Variants in ATP8A1 observed in about 807,000 individuals in gnomAD.
ATP8A1 encodes the protein phospholipid-transporting ATPase IA.
Under a neutral mutation model 177.7 loss-of-function variants are expected in ATP8A1, and 90 were observed. The observed-to-expected ratio is 0.51, with a 90% CI of 0.43 to 0.60. The LOEUF (loss-of-function observed/expected upper bound fraction) is 0.60, where lower values mean the gene tolerates loss of function less well. Among genes scored for constraint, ATP8A1 ranks in the 20% least tolerant of loss-of-function variants. The pLI is 0.00. For missense variants in ATP8A1, 1,072 were observed against 1,392.8 expected (o/e 0.77, Z 3.67); for synonymous variants, 493 against 485.9 (o/e 1.01, Z -0.19).
At chr4:42,519,635 G>A (rs1475172879) in intron 22 of ATP8A1, among the ~76,000 whole-genome samples, 6 of 152,164 alleles carry the variant, frequency 3.9e-5, no homozygotes, top group Non-Finnish European at 2.9e-5. Context: ...ACTGCTTGAT[G>A]AAAGTTATTT....
intron 20 of ATP8A1, among the ~76,000 whole-genome samples, chr4:42,538,955 C>T (rs1013650207): frequency 3.3e-5 from 5 of 152,134 alleles, no homozygotes; most frequent in Non-Finnish European, 7.3e-5. Context: ...GATACTTGCA[C>T]ACATGTTTAT....
At chr4:42,602,814 A>ATAAG (rs1231920935) in intron 5 of ATP8A1, among the ~76,000 whole-genome samples, 1 of 151,814 alleles carries the variant, frequency 6.6e-6, no homozygotes, top group Non-Finnish European at 1.5e-5. Context: ...AAATAAATAA[A>ATAAG]TGAGAGCTCC....
chr4:42,594,295 G>A, intron 6 of ATP8A1: 8 of 1,591,774 alleles, frequency 5.0e-6, no homozygotes, highest in Non-Finnish European at 6.9e-6. Context: ...CTACCTTGAT[G>A]AGAGAAGTAC....
At chr4:42,531,938 A>G (rs1727297975) in intron 20 of ATP8A1, among the ~76,000 whole-genome samples, 1 of 152,102 alleles carries the variant, frequency 6.6e-6, no homozygotes, top group Non-Finnish European at 1.5e-5. Flanking sequence ...CACCTCTACA[A>G]AAAACACAAA....
intron 6 of ATP8A1, chr4:42,594,190 T>C (rs1458172124): frequency 7.7e-6 from 5 of 653,384 alleles, no homozygotes; most frequent in Non-Finnish European, 1.3e-5. Context: ...AGGTTTTAAA[T>C]TCTTCGTTTA....
At chr4:42,599,546 G>C (rs1289230547) in intron 6 of ATP8A1, among the ~76,000 whole-genome samples, 1 of 152,164 alleles carries the variant, frequency 6.6e-6, no homozygotes. Context: ...TCTAGCCACT[G>C]ATTGAAAATC....
intron 5 of ATP8A1, among the ~76,000 whole-genome samples, chr4:42,601,078 T>C (rs2109400059): frequency 7.9e-6 from 1 of 126,380 alleles, no homozygotes; most frequent in South Asian, 2.6e-4. Context: ...CTCTGTCACC[T>C]AGGCTGGAGT....
chr4:42,557,299 C>A (rs1236845474), intron 15 of ATP8A1, among the ~76,000 whole-genome samples: 4 of 152,034 alleles, frequency 2.6e-5, no homozygotes, highest in Non-Finnish European at 5.9e-5. Context: ...GGAAAAAAAT[C>A]TAAGAAAAAG....
intron 6 of ATP8A1, chr4:42,594,398 T>C (rs200370771): frequency 1.7e-5 from 20 of 1,178,468 alleles, no homozygotes; most frequent in African/African-American, 7.5e-5. Flanking sequence ...ATTATCTGCA[T>C]TGAAAGATAG....
At chr4:42,455,246 C>G (rs542534972) in intron 29 of ATP8A1, 51 bp downstream of exon 29, 1 of 1,603,492 alleles carries the variant, frequency 6.2e-7, no homozygotes, top group African/African-American at 1.3e-5. Context: ...ATAATGAGGG[C>G]AGTAAACACA....
At chr4:42,653,237 A>C (rs1741286377) in intron 1 of ATP8A1, among the ~76,000 whole-genome samples, 1 of 152,190 alleles carries the variant, frequency 6.6e-6, no homozygotes. Flanking sequence ...TAACTAACCT[A>C]CTTAAAATTG....
chr4:42,462,777 C>A (rs766640438), intron 27 of ATP8A1, among the ~76,000 whole-genome samples: 1 of 152,212 alleles, frequency 6.6e-6, no homozygotes, highest in Non-Finnish European at 1.5e-5. Context: ...CCTGTGAAGG[C>A]AGCTGGGAGG....
At chr4:42,474,501 A>C (rs566959133) in intron 25 of ATP8A1, among the ~76,000 whole-genome samples, 1 of 152,328 alleles carries the variant, frequency 6.6e-6, no homozygotes, top group South Asian at 2.1e-4. Context: ...CAGTGCCCTA[A>C]AGCTAAAACT....
intron 35 of ATP8A1, chr4:42,414,990 T>C (rs11726581): frequency 0.23 from 88,908 of 389,804 alleles, 10,516 homozygotes; most frequent in African/African-American, 0.25. Context: ...CCCACTCAGT[T>C]ATATTTAAGT....
intron 7 of ATP8A1, among the ~76,000 whole-genome samples, chr4:42,589,032 G>A (rs1733901308): frequency 6.6e-6 from 1 of 152,150 alleles, no homozygotes; most frequent in Admixed American, 6.5e-5. Flanking sequence ...CCTAGAAGAT[G>A]CACTTCATGG....
At chr4:42,489,952 T>C (rs1191479552) in intron 24 of ATP8A1, among the ~76,000 whole-genome samples, 1 of 152,186 alleles carries the variant, frequency 6.6e-6, no homozygotes, top group Non-Finnish European at 1.5e-5. Flanking sequence ...AAGATCTCTA[T>C]TTCCTTGTTC....
intron 14 of ATP8A1, among the ~76,000 whole-genome samples, chr4:42,572,695 T>C (rs1157315950): frequency 2.0e-5 from 3 of 152,230 alleles, no homozygotes; most frequent in Non-Finnish European, 2.9e-5. Flanking sequence ...GATTTCGGCT[T>C]ATACAGTTAA....
intron 9 of ATP8A1, among the ~76,000 whole-genome samples, chr4:42,583,708 T>C (rs1054075696): frequency 6.6e-6 from 1 of 152,238 alleles, no homozygotes; most frequent in African/African-American, 2.4e-5. Context: ...CCAAGAGCTT[T>C]GGGTAATCAC....
intron 24 of ATP8A1, among the ~76,000 whole-genome samples, chr4:42,500,864 T>G (rs1217826495): frequency 6.6e-6 from 1 of 152,198 alleles, no homozygotes; most frequent in Non-Finnish European, 1.5e-5. Context: ...GAGTTATTTT[T>G]TTTAAGAAGG....
Sources: gnomAD v4.1 joint callset for allele counts (sites outside exome capture counted in the v4.1 genomes callset) on GRCh38, gnomAD v4.1.1 for gene constraint, MANE v1.5 for transcripts, NCBI Gene and HGNC (gene_info 2026-07-23, HGNC 2026-07-21) for gene names.